The following PREP variants were observed in gnomAD, a reference collection of about 807,000 sequenced individuals.
The protein encoded by PREP is prolyl endopeptidase.
In PREP, 29 loss-of-function variants were observed where a neutral mutation model predicts 87.6. That is an observed-to-expected ratio of 0.33 (90% confidence interval 0.25 to 0.45). The LOEUF is 0.45. PREP is among the 20% of genes least tolerant of loss of function. PREP has a pLI of 1.00. For synonymous variants in PREP, 337 were observed against 328.6 expected, an observed-to-expected ratio of 1.03 and a Z score of -0.28; for missense variants, 695 against 886.5, an observed-to-expected ratio of 0.78 and a Z score of 2.74.
At chr6:105,350,288 C>A (rs1442870632) in intron 7 of PREP, among the ~76,000 whole-genome samples, 1 of 152,074 alleles carries the variant, frequency 6.6e-6, no homozygotes, top group Non-Finnish European at 1.5e-5. Context: ...TTTGCATTTT[C>A]ATTATTCCTC....
At chr6:105,353,727 G>A (rs1231850592) in intron 6 of PREP, among the ~76,000 whole-genome samples, 3 of 145,946 alleles carry the variant, frequency 2.1e-5, no homozygotes, top group Non-Finnish European at 4.5e-5. Flanking sequence ...AGCTGACACG[G>A]TGCCACTGCA....
chr6:105,309,547 G>A (rs908827591), intron 10 of PREP, among the ~76,000 whole-genome samples: 29 of 151,964 alleles, frequency 1.9e-4, no homozygotes, highest in African/African-American at 6.5e-4. Flanking sequence ...ATGGGGTTTC[G>A]CCATGTTGGC....
At chr6:105,300,389 C>G (rs1258414288) in intron 10 of PREP, among the ~76,000 whole-genome samples, 1 of 152,130 alleles carries the variant, frequency 6.6e-6, no homozygotes, top group Non-Finnish European at 1.5e-5. Flanking sequence ...CTATATCTTG[C>G]CATGGCCATT....
intron 6 of PREP, among the ~76,000 whole-genome samples, chr6:105,364,134 C>A (rs765322697): frequency 4.6e-5 from 7 of 152,172 alleles, no homozygotes; most frequent in Non-Finnish European, 8.8e-5. Context: ...GCTTGGCAAA[C>A]TTGAGCTGGG....
rs573762395 is a variant in PREP, at chr6:105,335,159, T to C, written c.824-1654A>G. Among the ~76,000 whole-genome samples, 6 of 152,242 alleles carry C rather than the reference T, an allele frequency of 3.9e-5. No homozygotes were observed. The South Asian group carries it at 1.2e-3, about 32-fold the overall frequency. ...TTTAATAAAGTTGAAACCACTAAAA[T>C]CCCTTGGAAAAACATCTGTTTTACC... On this transcript the variant is annotated intron_variant, in intron 7 of 14. Coordinates refer to ENST00000652536, the MANE Select transcript of PREP (RefSeq NM_002726.5).
chr6:105,366,962 T>C (rs1772402251), intron 6 of PREP, among the ~76,000 whole-genome samples: 1 of 152,160 alleles, frequency 6.6e-6, no homozygotes, highest in Non-Finnish European at 1.5e-5. Context: ...AATGAAGAGT[T>C]ATTGTTCACA....
intron 10 of PREP, among the ~76,000 whole-genome samples, chr6:105,290,405 T>C (rs1252272604): frequency 1.3e-5 from 2 of 152,078 alleles, no homozygotes; most frequent in African/African-American, 4.8e-5. Flanking sequence ...TGATGCTACC[T>C]TCACTGTTCG....
At position 105,284,373 on chromosome 6, in the gene PREP, G is replaced by C. The variant is rs954866095; in HGVS notation, c.1549+1113C>G. Among the ~76,000 whole-genome samples the C allele has an allele frequency of 5.9e-5, 9 of 152,066 alleles. No individual in the cohort carries two copies. In the South Asian group the frequency reaches 8.3e-4, roughly 14 times the overall value. ...CCTTTCCTGCATATGGTACCTAACA[G>C]GTACTTAATGGAAATCTCTTTACAA... On this transcript the variant is annotated intron_variant, in intron 12 of 14. Transcript: ENST00000652536.
At chr6:105,303,725 T>G (rs1277571724) in intron 10 of PREP, among the ~76,000 whole-genome samples, 6 of 152,206 alleles carry the variant, frequency 3.9e-5, no homozygotes, top group Non-Finnish European at 7.3e-5. Context: ...ATTCCTTACC[T>G]GAAAATGTTA....
At chr6:105,371,971 C>T (rs1382238530) in intron 5 of PREP, among the ~76,000 whole-genome samples, 2 of 152,120 alleles carry the variant, frequency 1.3e-5, no homozygotes, top group African/African-American at 2.4e-5. Flanking sequence ...GTGGAAATAA[C>T]TAACATTTTC....
intron 10 of PREP, among the ~76,000 whole-genome samples, chr6:105,309,651 C>T (rs1446856111): frequency 1.3e-5 from 2 of 152,092 alleles, no homozygotes; most frequent in African/African-American, 4.8e-5. Context: ...AATTCAAGGC[C>T]TGAGAGGTCT....
chr6:105,356,898 C>T (rs1437347721), intron 6 of PREP, among the ~76,000 whole-genome samples: 1 of 152,156 alleles, frequency 6.6e-6, no homozygotes, highest in Non-Finnish European at 1.5e-5. Flanking sequence ...CTTTAAAATC[C>T]AATCTAAAAA....
At chr6:105,393,714 T>C (rs1336787833) in intron 2 of PREP, among the ~76,000 whole-genome samples, 1 of 152,220 alleles carries the variant, frequency 6.6e-6, no homozygotes, top group Non-Finnish European at 1.5e-5. Flanking sequence ...ATTTCAACTC[T>C]GTTTTTGAGA....
At chr6:105,307,323 T>C (rs1471027962) in intron 10 of PREP, among the ~76,000 whole-genome samples, 1 of 152,084 alleles carries the variant, frequency 6.6e-6, no homozygotes, top group African/African-American at 2.4e-5. Flanking sequence ...GCTCTTTCCA[T>C]CTGCCCAAAG....
intron 10 of PREP, among the ~76,000 whole-genome samples, chr6:105,307,275 G>A (rs767855920): frequency 6.6e-6 from 1 of 151,942 alleles, no homozygotes; most frequent in Non-Finnish European, 1.5e-5. Context: ...GTATGAATTT[G>A]TATGTATGAT....
chr6:105,351,589 A>G (rs1051719425), intron 7 of PREP, among the ~76,000 whole-genome samples: 1 of 152,366 alleles, frequency 6.6e-6, no homozygotes, highest in Non-Finnish European at 1.5e-5. Context: ...ACGCCTTATT[A>G]AAGCAGATAT....
intron 4 of PREP, 37 bp from the exon 5 acceptor site, chr6:105,373,615 C>A: frequency 6.4e-7 from 1 of 1,573,520 alleles, no homozygotes; most frequent in Non-Finnish European, 8.7e-7. Flanking sequence ...GTGACAAACA[C>A]GGAACACAAC....
chr6:105,402,490 A>G (rs892147551), intron 1 of PREP, among the ~76,000 whole-genome samples: 5 of 151,960 alleles, frequency 3.3e-5, no homozygotes, highest in Admixed American at 6.5e-5. Context: ...TCCTACCACC[A>G]TATTTAAGCA....
chr6:105,361,039 T>C (rs1772235683), intron 6 of PREP, among the ~76,000 whole-genome samples: 1 of 152,190 alleles, frequency 6.6e-6, no homozygotes, highest in Non-Finnish European at 1.5e-5. Context: ...AATATGGAAT[T>C]CTCTGGAAAA....
Sources: allele counts gnomAD v4.1 joint callset (sites outside exome capture counted in the v4.1 genomes callset), GRCh38; gene constraint gnomAD v4.1.1; transcripts MANE v1.5; gene names NCBI Gene and HGNC (gene_info 2026-07-23, HGNC 2026-07-21).